RANGAP1: variants seen among roughly 807,000 people sequenced by gnomAD.
RANGAP1 encodes ran GTPase-activating protein 1.
In RANGAP1, 38 loss-of-function variants were observed where a neutral mutation model predicts 63.5. That is an observed-to-expected ratio of 0.60 (90% CI 0.46 to 0.78). The LOEUF (loss-of-function observed/expected upper bound fraction) is 0.78, where lower values mean the gene tolerates loss of function less well. Ranked by LOEUF, RANGAP1 falls within the 30% of genes least tolerant of loss-of-function variation. The pLI is 0.00. For missense variants in RANGAP1, 630 were observed against 740.3 expected, an observed-to-expected ratio of 0.85 and a Z score of 1.73; for synonymous variants, 329 against 310.5, an observed-to-expected ratio of 1.06 and a Z score of -0.63.
the RANGAP1 span, among the ~76,000 whole-genome samples, chr22:41,292,320 G>A: frequency 0.056 from 8,504 of 151,450 alleles, 790 homozygotes; most frequent in African/African-American, 0.2. Context: ...GTTAATTTTT[G>A]GTATTTTTAG....
intron 3 of RANGAP1, among the ~76,000 whole-genome samples, chr22:41,271,751 G>T (rs1167423412): frequency 6.6e-6 from 1 of 151,652 alleles, no homozygotes; most frequent in Non-Finnish European, 1.5e-5. Context: ...CCTACTCCTA[G>T]TTGTGTGACT....
chr22:41,255,111 C>T (rs2033740542), intron 10 of RANGAP1, among the ~76,000 whole-genome samples: 1 of 151,986 alleles, frequency 6.6e-6, no homozygotes, highest in South Asian at 2.1e-4. Flanking sequence ...GAACACTGCC[C>T]AGGTTGAGAT....
chr22:41,267,131 G>A lies in RANGAP1; in HGVS notation c.300+966C>T, dbSNP rs181874495. Among the ~76,000 whole-genome samples, 11 of 151,894 alleles carry A rather than the reference G, an allele frequency of 7.2e-5. 1 individual carries two copies. Among genetic ancestry groups the A allele is most frequent in the Admixed American group, 3.9e-4 (6 of 15,252 alleles). On this transcript the variant is annotated intron_variant, in intron 4 of 15. Coordinates refer to ENST00000356244, the MANE Select transcript of RANGAP1 (RefSeq NM_002883.4). Reference sequence around the variant, plus strand: ...TGACCTCAAGCGATCTGCCCGCCTCGGCCTCCCAAAGTGCTGGGATTATAG... The same window carrying A: ...TGACCTCAAGCGATCTGCCCGCCTCAGCCTCCCAAAGTGCTGGGATTATAG...
intron 8 of RANGAP1, among the ~76,000 whole-genome samples, chr22:41,256,492 A>G (rs1329153678): frequency 6.6e-6 from 1 of 152,198 alleles, no homozygotes; most frequent in East Asian, 1.9e-4. Context: ...TACTTAAATC[A>G]CAAGACAGTG....
At chr22:41,278,622 T>C (rs995666907) in intron 2 of RANGAP1, among the ~76,000 whole-genome samples, 3 of 152,252 alleles carry the variant, frequency 2.0e-5, no homozygotes, top group Non-Finnish European at 4.4e-5. Flanking sequence ...TCTGTGAAAA[T>C]CCTAGCTCTG....
At position 41,261,650 on chromosome 22, in the gene RANGAP1, C is replaced by T. The variant is rs1431488261; in HGVS notation, c.481-70G>A. 3.8e-6 allele frequency: 6 copies of T among 1,593,168 alleles called. No homozygotes were observed. The East Asian group carries it at 1.3e-4, about 36-fold the overall frequency. On this transcript the variant is annotated intron_variant, in intron 5 of 15. Coordinates refer to ENST00000356244, the MANE Select transcript of RANGAP1 (RefSeq NM_002883.4). ...TCTCCCAGCGGGGTGGCCACTGCTG[C>T]TGAACTGCTCTTCAACATCCCACGC...
At chr22:41,262,063 C>T (rs1372724830) in intron 5 of RANGAP1, among the ~76,000 whole-genome samples, 2 of 152,224 alleles carry the variant, frequency 1.3e-5, no homozygotes, top group African/African-American at 4.8e-5. Context: ...TCCAGCTTCT[C>T]TTCCACGTTC....
chr22:41,292,564 G>C, the RANGAP1 span, among the ~76,000 whole-genome samples: 1 of 150,224 alleles, frequency 6.7e-6, no homozygotes, highest in South Asian at 2.1e-4. Context: ...TTTGAGACCC[G>C]CCTGACCAAC....
chr22:41,265,974 G>A (rs1052975432), intron 4 of RANGAP1, among the ~76,000 whole-genome samples: 6 of 151,778 alleles, frequency 4.0e-5, no homozygotes, highest in African/African-American at 1.5e-4. Context: ...AGGCCAAGGT[G>A]GGCGGATCAC....
chr22:41,263,094 T>C (rs543045674), intron 5 of RANGAP1, among the ~76,000 whole-genome samples: 1 of 152,110 alleles, frequency 6.6e-6, no homozygotes, highest in East Asian at 1.9e-4. Flanking sequence ...AACTCCAGGG[T>C]AGGCCTGTCT....
In RANGAP1 at chr22:41,251,059, T is replaced by G. The variant is rs374143419; in HGVS notation, c.1431A>C (p.Ser477=). The G allele has an allele frequency of 6.2e-6, 10 of 1,614,104 alleles. No homozygotes were observed. Among genetic ancestry groups the G allele is most frequent in the Non-Finnish European group, 7.6e-6 (9 of 1,180,020 alleles). The change falls in exon 13 of 16, where the codon TCA becomes TCC. Residue 477 remains serine, a synonymous_variant. Transcript: ENST00000356244. ...EKVVSAFLKV[S]SVFKDEATVR... ...CAGTAGCTTCGTCCTTGAACACAGATGACACCTTTAGGAAGGCAGAGACCA... is the reference window on the plus strand; with the variant it reads ...CAGTAGCTTCGTCCTTGAACACAGAGGACACCTTTAGGAAGGCAGAGACCA...
At chr22:41,277,256 T>TTACTA (rs1360009137) in intron 2 of RANGAP1, among the ~76,000 whole-genome samples, 1 of 151,486 alleles carries the variant, frequency 6.6e-6, no homozygotes, top group African/African-American at 2.4e-5. Flanking sequence ...TTTTTGTAGT[T>TTACTA]TTTAGTAGAG....
At chr22:41,269,668 G>C (rs962318329) in intron 3 of RANGAP1, among the ~76,000 whole-genome samples, 11 of 151,522 alleles carry the variant, frequency 7.3e-5, no homozygotes, top group African/African-American at 2.7e-4. Flanking sequence ...CTGAAAACCG[G>C]GAGGCAGAGG....
At chr22:41,271,891 GCCCCTGC>G (rs751053113) in intron 3 of RANGAP1, among the ~76,000 whole-genome samples, 1 of 152,150 alleles carries the variant, frequency 6.6e-6, no homozygotes, top group Non-Finnish European at 1.5e-5. Context: ...ATCCCACCCT[GCCCCTGC>G]CCTGGGCTGC....
the RANGAP1 span, among the ~76,000 whole-genome samples, chr22:41,301,142 C>G: frequency 6.6e-6 from 1 of 152,068 alleles, no homozygotes; most frequent in Non-Finnish European, 1.5e-5. Flanking sequence ...CCTGATTCTT[C>G]TATGTGTCTC....
chr22:41,255,421 C>T (rs897004537), intron 10 of RANGAP1, among the ~76,000 whole-genome samples: 3 of 152,122 alleles, frequency 2.0e-5, no homozygotes, highest in Admixed American at 6.6e-5. Flanking sequence ...GGCCACTCCC[C>T]GGCCACCCAC....
In RANGAP1 at chr22:41,268,136, CAT is replaced by C. The variant is rs1367494383; in HGVS notation, c.259_260del (p.Met87ValfsTer108). On this transcript the variant is annotated frameshift_variant, in exon 4 of 16. Transcript: ENST00000356244. LOFTEE classifies it high-confidence loss of function. ...TCTCGGTCCGCAGCCTTCCCGTGAA[CAT>C]GTCACTCCAGTGGCAGCGCTGCAAC... Reference protein sequence around the residue: ...SELKRCHWSDMFTGRLRTEIP... With the variant: ...SELKRCHWSDXFTGRLRTEIP... The C allele has an allele frequency of 6.4e-7, 1 of 1,556,484 alleles. No individual in the cohort carries two copies.
intron 1 of RANGAP1, 164 bp from the exon 2 acceptor site, chr22:41,281,246 C>G (rs1469631691): frequency 9.6e-6 from 9 of 932,664 alleles, no homozygotes; most frequent in Non-Finnish European, 1.4e-5. Flanking sequence ...AGAGAAGGAA[C>G]AGTTCTAGAA....
At chr22:41,253,162 C>G (rs892918419) in intron 11 of RANGAP1, 171 bp from the exon 12 acceptor site, 34 of 683,490 alleles carry the variant, frequency 5.0e-5, no homozygotes, top group Non-Finnish European at 6.1e-5. Context: ...CAATATCACC[C>G]AGAGATGCTG....
Sources: allele counts gnomAD v4.1 joint callset (sites outside exome capture counted in the v4.1 genomes callset), GRCh38; gene constraint gnomAD v4.1.1; transcripts MANE v1.5; gene names NCBI Gene and HGNC (gene_info 2026-07-23, HGNC 2026-07-21).